Variants in SPOCK2 observed in about 807,000 individuals in gnomAD.
SPOCK2 encodes SPARC (osteonectin), cwcv and kazal like domains proteoglycan 2.
A neutral mutation model predicts 60.1 loss-of-function variants in SPOCK2; 39 were observed. That is an observed-to-expected ratio of 0.65 (90% CI 0.50 to 0.85). The LOEUF (loss-of-function observed/expected upper bound fraction) is 0.85, where lower values mean the gene tolerates loss of function less well. Among genes scored for constraint, SPOCK2 ranks in the 40% least tolerant of loss-of-function variants. SPOCK2 has a pLI of 0.00. For missense variants in SPOCK2, 523 were observed against 567.4 expected (o/e 0.92, Z 0.80); for synonymous variants, 217 against 231.5 (o/e 0.94, Z 0.57).
At chr10:72,076,829 GA>G (rs1589123266) in intron 1 of SPOCK2, among the ~76,000 whole-genome samples, 1 of 152,322 alleles carries the variant, frequency 6.6e-6, no homozygotes, top group East Asian at 1.9e-4. Flanking sequence ...CAGAAGAAAG[GA>G]GAAAACGAAG....
At chr10:72,077,369 A>T (rs1227698936) in intron 1 of SPOCK2, among the ~76,000 whole-genome samples, 1 of 151,932 alleles carries the variant, frequency 6.6e-6, no homozygotes, top group Non-Finnish European at 1.5e-5. Context: ...GGCTCAAGTG[A>T]TCCTCCTCCC....
rs542218570 is a variant in SPOCK2, at chr10:72,077,897, G to A, written c.190-4987C>T. On this transcript the variant is annotated intron_variant, in intron 1 of 10. Coordinates refer to ENST00000373109, the MANE Select transcript of SPOCK2 (RefSeq NM_001244950.2). Reference sequence around the variant, plus strand: ...CCACCGGCCAGGACCACCCCAACCCGAAAAACTGCAGCGCCTCCTGAGGGT... The same window carrying A: ...CCACCGGCCAGGACCACCCCAACCCAAAAAACTGCAGCGCCTCCTGAGGGT... Among the ~76,000 whole-genome samples the A allele has an allele frequency of 3.3e-5, 5 of 152,136 alleles. No homozygotes were observed. The East Asian group carries it at 7.7e-4, about 24-fold the overall frequency.
chr10:72,062,716 G>T lies in SPOCK2; in HGVS notation c.*44C>A. On this transcript the variant is annotated 3_prime_UTR_variant, in exon 11 of 11. Coordinates refer to ENST00000373109, the MANE Select transcript of SPOCK2 (RefSeq NM_001244950.2). This position sits in a 1 kb window ranked among gnomAD's most constrained non-coding sequence, Gnocchi z 4.3. ...TCGAAGTTGCCTGCTGCTGCTCAGA[G>T]CTCTGCTGTTGAGTCCCCCCCGGCA... 6.4e-7 allele frequency: 1 copy of T among 1,573,362 alleles called. No homozygotes were observed. The highest frequency in any genetic ancestry group is 8.6e-7 in the Non-Finnish European group (1 of 1,168,140).
intron 1 of SPOCK2, among the ~76,000 whole-genome samples, chr10:72,080,935 C>A (rs1006571297): frequency 6.6e-6 from 1 of 152,102 alleles, no homozygotes; most frequent in Admixed American, 6.5e-5. Flanking sequence ...CTGCTCCGGG[C>A]GGTGGCCCCA....
intron 2 of SPOCK2, 154 bp from the exon 3 acceptor site, chr10:72,072,702 G>T: frequency 7.4e-7 from 1 of 1,346,138 alleles, no homozygotes; most frequent in Non-Finnish European, 1.0e-6. Context: ...GGCCCTGCCA[G>T]CTGCCTCCCC....
Position 72,061,197 on chromosome 10 carries a change from AG to A in SPOCK2, c.*1562del. 1 of 152,590 alleles carries A rather than the reference AG, an allele frequency of 6.6e-6. No individual in the cohort carries two copies. The highest frequency in any genetic ancestry group is 1.9e-4 in the East Asian group (1 of 5,188). 9.5% of individuals were successfully genotyped at this position (152,590 alleles called of 1,614,324 possible). On this transcript the variant is annotated 3_prime_UTR_variant, in exon 11 of 11. Coordinates refer to ENST00000373109, the MANE Select transcript of SPOCK2 (RefSeq NM_001244950.2). Reference sequence around the variant, plus strand: ...GGGAAAACAGCAACAAACAAACAAAAGAAATGCACAGGGCCTCTTCTCATCT... The same window carrying A: ...GGGAAAACAGCAACAAACAAACAAAAAAATGCACAGGGCCTCTTCTCATCT...
upstream of SPOCK2, chr10:72,088,577 T>TA: frequency 2.2e-6 from 1 of 459,752 alleles, no homozygotes; most frequent in Non-Finnish European, 3.8e-6. Context: ...GCAGGGGCTG[T>TA]AACTGTAGCA....
chr10:72,069,498 CTCACTCTG>C (rs1419748081), intron 5 of SPOCK2, among the ~76,000 whole-genome samples: 9 of 143,978 alleles, frequency 6.3e-5, no homozygotes, highest in Middle Eastern at 3.6e-3. Flanking sequence ...GAGACAAGGT[CTCACTCTG>C]TCACCCAGGC....
intron 5 of SPOCK2, 116 bp from the exon 6 acceptor site, chr10:72,068,417 C>A: frequency 9.3e-7 from 1 of 1,080,916 alleles, no homozygotes; most frequent in South Asian, 1.6e-5. Flanking sequence ...CATGGAGTGC[C>A]CATGAACAGC....
rs72658785 is a variant in SPOCK2 at position 72,067,862 on chromosome 10, T to C, written c.590-130A>G. On this transcript the variant is annotated intron_variant, in intron 6 of 10. Transcript: ENST00000373109. ...CGGGAGGCAGCAGCAGAAGGGAAGG[T>C]GGAAATCGGGGGCTTCCTCTCGAGT... 8,867 of 1,407,564 alleles carry C rather than the reference T, an allele frequency of 6.3e-3. 407 individuals carry two copies. The African/African-American group carries it at 0.11, about 17-fold the overall frequency. The allele number at this position is 1,407,564 out of a possible 1,614,324, so 87.2% of individuals were successfully genotyped here.
Position 72,060,787 on chromosome 10 carries a change from G to A in SPOCK2, c.*1973C>T, listed in dbSNP as rs952769391. On this transcript the variant is annotated 3_prime_UTR_variant, in exon 11 of 11. Transcript: ENST00000373109. Reference sequence around the variant, plus strand: ...GCTGCGGAATGGGAAGCAGTTTATGGAGTTAAGTGGGGCTCTGCTATTTCC... The same window carrying A: ...GCTGCGGAATGGGAAGCAGTTTATGAAGTTAAGTGGGGCTCTGCTATTTCC... 6.6e-6 allele frequency: 1 copy of A among 152,398 alleles called. No homozygotes were observed. Among genetic ancestry groups the A allele is most frequent in the Admixed American group, 6.5e-5 (1 of 15,284 alleles). 9.4% of individuals were successfully genotyped at this position (152,398 alleles called of 1,614,324 possible).
intron 1 of SPOCK2, among the ~76,000 whole-genome samples, chr10:72,074,320 G>A (rs1192236338): frequency 1.3e-5 from 2 of 149,502 alleles, no homozygotes; most frequent in Non-Finnish European, 3.0e-5. Flanking sequence ...ACCCGAGCAA[G>A]CAGTTGGCAT....
intron 4 of SPOCK2, 36 bp downstream of exon 4, chr10:72,072,108 C>A: frequency 6.9e-7 from 1 of 1,443,448 alleles, no homozygotes; most frequent in Non-Finnish European, 9.2e-7. Context: ...TTTGAACACA[C>A]CCCCTCCAGG....
chr10:72,068,155 C>T (rs1244934853), intron 6 of SPOCK2, 32 bp downstream of exon 6: 1 of 1,587,400 alleles, frequency 6.3e-7, no homozygotes, highest in Non-Finnish European at 8.6e-7. Context: ...CCCTTCAGCA[C>T]CCCTAGCCTG....
chr10:72,063,302 C>T, intron 9 of SPOCK2, 140 bp from the exon 10 acceptor site: 1 of 1,262,600 alleles, frequency 7.9e-7, no homozygotes, highest in South Asian at 1.5e-5. Flanking sequence ...GACCCCCCAA[C>T]AGGCCCAGAT....
At chr10:72,088,107 C>T in intron 1 of SPOCK2, 33 bp downstream of exon 1, 1 of 1,606,588 alleles carries the variant, frequency 6.2e-7, no homozygotes, top group Non-Finnish European at 8.5e-7. Context: ...CCCGCAACCC[C>T]GGGTCTCTGC....
In SPOCK2 at chr10:72,069,672, G is replaced by A. The variant is rs376102525; in HGVS notation, c.474+640C>T. Among the ~76,000 whole-genome samples the A allele has an allele frequency of 8.5e-4, 129 of 151,984 alleles. No homozygotes were observed. The South Asian group carries it at 0.014, about 16-fold the overall frequency. Reference sequence around the variant, plus strand: ...AGGGTCTCACTATGTTACCCAGGCTGGTCTCAAACTCCCGGATTCAAGCAA... The same window carrying A: ...AGGGTCTCACTATGTTACCCAGGCTAGTCTCAAACTCCCGGATTCAAGCAA... On this transcript the variant is annotated intron_variant, in intron 5 of 10. Transcript: ENST00000373109.
Position 72,062,577 on chromosome 10 carries a change from A to G in SPOCK2, c.*183T>C, listed in dbSNP as rs1330737120. Reference sequence around the variant, plus strand: ...CATACACACATGCATGCACACATGCACTCACACTGTCACCCGTCCCAGCCA... The same window carrying G: ...CATACACACATGCATGCACACATGCGCTCACACTGTCACCCGTCCCAGCCA... On this transcript the variant is annotated 3_prime_UTR_variant, in exon 11 of 11. Coordinates refer to ENST00000373109, the MANE Select transcript of SPOCK2 (RefSeq NM_001244950.2). The surrounding 1 kb of genome is among the most constrained non-coding windows in gnomAD (Gnocchi z 4.3). 12 of 1,145,906 alleles carry G rather than the reference A, an allele frequency of 1.0e-5. No homozygotes were observed. Among genetic ancestry groups the G allele is most frequent in the Non-Finnish European group, 1.5e-5 (12 of 814,518 alleles). The allele number at this position is 1,145,906 out of a possible 1,614,324, so 71.0% of individuals were successfully genotyped here. A position where few individuals can be genotyped will look rare whatever the true frequency, so the allele number is the denominator to read the frequency against.
chr10:72,067,835 T>C, intron 6 of SPOCK2, 103 bp from the exon 7 acceptor site: 8 of 1,502,330 alleles, frequency 5.3e-6, no homozygotes, highest in Non-Finnish European at 7.1e-6. Flanking sequence ...TGGGCAGGGG[T>C]CCGGGAGGCA....
Sources: allele counts gnomAD v4.1 joint callset (sites outside exome capture counted in the v4.1 genomes callset), GRCh38; gene constraint gnomAD v4.1.1; non-coding constraint Gnocchi (gnomAD v3.1); transcripts MANE v1.5; gene names NCBI Gene and HGNC (gene_info 2026-07-23, HGNC 2026-07-21).